GSE1: variants seen among roughly 807,000 people sequenced by gnomAD.
GSE1 encodes genetic suppressor element 1.
In GSE1, 32 loss-of-function variants were observed where a neutral mutation model predicts 112.6. The observed-to-expected ratio is 0.28, with a 90% CI of 0.21 to 0.38. GSE1 has a LOEUF of 0.38. GSE1 is among the 10% of genes least tolerant of loss of function. GSE1 has a pLI of 1.00. For missense variants in GSE1, 2,348 were observed against 1,699.2 expected, an observed-to-expected ratio of 1.38 and a Z score of -6.71; for synonymous variants, 1,115 against 735.6, an observed-to-expected ratio of 1.52 and a Z score of -8.35.
intron 2 of GSE1, among the ~76,000 whole-genome samples, chr16:85,479,902 G>A (rs79191140): frequency 0.057 from 8,620 of 152,182 alleles, 376 homozygotes; most frequent in African/African-American, 0.13. Context: ...CTGCAGCATC[G>A]AGGTTTGTTT....
intron 1 of GSE1, among the ~76,000 whole-genome samples, chr16:85,205,158 CTCGCT>C (rs2143593848): frequency 6.6e-6 from 1 of 152,206 alleles, no homozygotes; most frequent in South Asian, 2.1e-4. Context: ...GAGACAGAGT[CTCGCT>C]CTGTCACCCA....
intron 2 of GSE1, among the ~76,000 whole-genome samples, chr16:85,387,998 GGATGGA>G (rs1567728304): frequency 0.18 from 25,279 of 138,474 alleles, 2,530 homozygotes; most frequent in Middle Eastern, 0.29. Flanking sequence ...GTGGGTGGAT[GGATGGA>G]TGGATGGATG....
intron 1 of GSE1, among the ~76,000 whole-genome samples, chr16:85,628,143 A>C (rs1598439696): frequency 6.6e-6 from 1 of 152,182 alleles, no homozygotes; most frequent in Non-Finnish European, 1.5e-5. Context: ...CCTGGCCTCA[A>C]GGGAGCTGCG....
chr16:85,518,896 A>G (rs2052044492), intron 2 of GSE1, among the ~76,000 whole-genome samples: 1 of 151,942 alleles, frequency 6.6e-6, no homozygotes, highest in Admixed American at 6.6e-5. Flanking sequence ...CCCCCAACAC[A>G]CACCCCCGTT....
intron 1 of GSE1, among the ~76,000 whole-genome samples, chr16:85,277,257 G>A (rs1244340142): frequency 6.6e-6 from 1 of 152,186 alleles, no homozygotes; most frequent in African/African-American, 2.4e-5. Flanking sequence ...TCCTTCTGGG[G>A]TTCTGGCCAG....
intron 1 of GSE1, among the ~76,000 whole-genome samples, chr16:85,246,471 GCACACACACACACACACACAC>G (rs1905816665): frequency 2.7e-5 from 1 of 36,798 alleles, no homozygotes; most frequent in Non-Finnish European, 4.9e-5. Context: ...CCCACACGCT[GCACACACACACACACACACAC>G]TCTACACACC....
intron 1 of GSE1, among the ~76,000 whole-genome samples, chr16:85,273,308 G>A (rs79034022): frequency 0.097 from 14,785 of 152,158 alleles, 1,806 homozygotes; most frequent in African/African-American, 0.29. Flanking sequence ...ATAATTAAGC[G>A]TCCCCAGTCA....
Position 85,236,784 on chromosome 16 carries a change from G to A in GSE1, c.2283+64977G>A, listed in dbSNP as rs555841319. Among the ~76,000 whole-genome samples, 5 of 152,198 alleles carry A rather than the reference G, an allele frequency of 3.3e-5. No individual in the cohort carries two copies. In the East Asian group the frequency reaches 7.7e-4, roughly 24 times the overall value. On this transcript the variant is annotated intron_variant, in intron 1 of 2. Coordinates refer to the GSE1 transcript ENST00000637419. ...CAGAGATTATGAGGGAACAACTCCTGCTGCCTGTAATACCTCTAAGGTGTG... is the reference window on the plus strand; with the variant it reads ...CAGAGATTATGAGGGAACAACTCCTACTGCCTGTAATACCTCTAAGGTGTG...
chr16:85,375,671 TCCCAGGCAGCA>T lies in GSE1; in HGVS notation c.2464+18034_2464+18044del, dbSNP rs575878862. Among the ~76,000 whole-genome samples the T allele has an allele frequency of 2.5e-3, 380 of 152,142 alleles. 3 individuals are homozygous for T. Among genetic ancestry groups the T allele is most frequent in the African/African-American group, 8.7e-3 (359 of 41,500 alleles). ...ACTCTGTCTTCCCTCGCCGGGCACC[TCCCAGGCAGCA>T]CCCAGAGCGCCATGAGCCCAGGCTG... On this transcript the variant is annotated intron_variant, in intron 2 of 2. Coordinates refer to the GSE1 transcript ENST00000637419.
At chr16:85,665,926 G>T (rs370303275) in intron 12 of GSE1, 50 bp from the exon 13 acceptor site, 1 of 1,585,580 alleles carries the variant, frequency 6.3e-7, no homozygotes, top group South Asian at 1.1e-5. Flanking sequence ...TGGACACTCA[G>T]CCTGTTAACT....
intron 1 of GSE1, among the ~76,000 whole-genome samples, chr16:85,601,518 C>G (rs1043225940): frequency 3.3e-5 from 5 of 152,010 alleles, no homozygotes; most frequent in Non-Finnish European, 7.4e-5. Flanking sequence ...AGGTAGAAAT[C>G]AAGGTGGGGG....
chr16:85,638,590 T>G (rs796709817), intron 2 of GSE1, among the ~76,000 whole-genome samples: 9 of 152,284 alleles, frequency 5.9e-5, no homozygotes, highest in African/African-American at 2.2e-4. Flanking sequence ...GGTGGGAATG[T>G]GCCACAGCCG....
At chr16:85,331,595 A>G (rs1243747820) in intron 1 of GSE1, among the ~76,000 whole-genome samples, 2 of 134,752 alleles carry the variant, frequency 1.5e-5, no homozygotes, top group African/African-American at 2.7e-5. Flanking sequence ...ATATATGTGT[A>G]TATGTGTATT....
intron 2 of GSE1, among the ~76,000 whole-genome samples, chr16:85,515,458 A>C (rs1391173684): frequency 6.6e-6 from 1 of 152,150 alleles, no homozygotes; most frequent in Non-Finnish European, 1.5e-5. Flanking sequence ...TCACCCTGAG[A>C]GTCTGCTGAT....
At chr16:85,520,319 G>A (rs1256595363) in intron 2 of GSE1, among the ~76,000 whole-genome samples, 1 of 152,178 alleles carries the variant, frequency 6.6e-6, no homozygotes, top group East Asian at 1.9e-4. Flanking sequence ...CTTTGGGGGT[G>A]AGGATTTCAA....
At chr16:85,415,497 C>T (rs1411646227) in intron 2 of GSE1, among the ~76,000 whole-genome samples, 2 of 152,220 alleles carry the variant, frequency 1.3e-5, no homozygotes, top group African/African-American at 4.8e-5. Flanking sequence ...ACCGGGTCCT[C>T]ACCCTGAGAT....
intron 1 of GSE1, among the ~76,000 whole-genome samples, chr16:85,242,729 G>A (rs186253453): frequency 2.0e-5 from 3 of 152,312 alleles, no homozygotes; most frequent in African/African-American, 7.2e-5. Flanking sequence ...GGATTCTGAT[G>A]TAATTGGCTT....
chr16:85,444,628 G>A (rs968815943), intron 2 of GSE1, among the ~76,000 whole-genome samples: 38 of 152,088 alleles, frequency 2.5e-4, no homozygotes, highest in Non-Finnish European at 4.0e-4. Context: ...GACCTCTGCC[G>A]TCTGCTTGGG....
intron 1 of GSE1, among the ~76,000 whole-genome samples, chr16:85,318,126 C>A (rs1326746649): frequency 1.3e-5 from 2 of 152,200 alleles, no homozygotes; most frequent in Non-Finnish European, 2.9e-5. Flanking sequence ...GGCTTCAGAT[C>A]TGGGGCCAGG....
Sources: allele counts gnomAD v4.1 joint callset (sites outside exome capture counted in the v4.1 genomes callset), GRCh38; gene constraint gnomAD v4.1.1; transcripts MANE v1.5; gene names NCBI Gene and HGNC (gene_info 2026-07-23, HGNC 2026-07-21).